MLLT1: variants seen among roughly 807,000 people sequenced by gnomAD.
The protein encoded by MLLT1 is MLLT1 super elongation complex subunit, also known as protein ENL.
A neutral mutation model predicts 55.1 loss-of-function variants in MLLT1; 11 were observed. That is an observed-to-expected ratio of 0.20 (90% CI 0.13 to 0.33). MLLT1 has a LOEUF of 0.33. Among genes scored for constraint, MLLT1 ranks in the 10% least tolerant of loss-of-function variants. The pLI, the probability that MLLT1 is intolerant of heterozygous loss-of-function variation, is 1.00. For missense variants in MLLT1, 536 were observed against 760.6 expected, an observed-to-expected ratio of 0.70 and a Z score of 3.47; for synonymous variants, 323 against 320.1, an observed-to-expected ratio of 1.01 and a Z score of -0.10.
At position 6,229,022 on chromosome 19, in the gene MLLT1, G is replaced by A. The variant is rs1412320306; in HGVS notation, c.420+1548C>T. Among the ~76,000 whole-genome samples, 4 of 152,090 alleles carry A rather than the reference G, an allele frequency of 2.6e-5. No homozygotes were observed. The highest frequency in any genetic ancestry group is 1.3e-4 in the Admixed American group (2 of 15,288). Reference sequence around the variant, plus strand: ...AGACGATGCCCTCAGAGCCTTCATCGCTGTGGAGCAAAGGAAGCCGCCTCC... The same window carrying A: ...AGACGATGCCCTCAGAGCCTTCATCACTGTGGAGCAAAGGAAGCCGCCTCC... On this transcript the variant is annotated intron_variant, in intron 4 of 11. Coordinates refer to ENST00000252674, the MANE Select transcript of MLLT1 (RefSeq NM_005934.4). This position sits in a 1 kb window ranked among gnomAD's most constrained non-coding sequence, Gnocchi z 5.2.
intron 3 of MLLT1, among the ~76,000 whole-genome samples, chr19:6,254,677 G>T (rs997703108): frequency 1.3e-5 from 2 of 152,170 alleles, no homozygotes; most frequent in African/African-American, 2.4e-5. Flanking sequence ...TGGAGAACAG[G>T]TTTTTCCTTC....
At chr19:6,216,378 GC>G in intron 8 of MLLT1, 26 bp downstream of exon 8, 2 of 1,551,770 alleles carry the variant, frequency 1.3e-6, no homozygotes, top group East Asian at 2.3e-5. Context: ...GGCCGCCTCC[GC>G]CCCCTGGCTC....
chr19:6,269,512 C>T (rs147316172), intron 2 of MLLT1, among the ~76,000 whole-genome samples: 401 of 152,318 alleles, frequency 2.6e-3, no homozygotes, highest in Non-Finnish European at 4.6e-3. Flanking sequence ...AAAGAGAAGC[C>T]GCAGGCTGAG....
At position 6,211,066 on chromosome 19, in the gene MLLT1, C is replaced by T. The variant is rs111522379; in HGVS notation, c.*1976G>A. ...TCGCTGTGTGGATTTTGGGGGACTCCTGCGAAGGAGAAAGGCCAGCACCCT... is the reference window on the plus strand; with the variant it reads ...TCGCTGTGTGGATTTTGGGGGACTCTTGCGAAGGAGAAAGGCCAGCACCCT... On this transcript the variant is annotated 3_prime_UTR_variant, in exon 12 of 12. Transcript: ENST00000252674. The surrounding 1 kb of genome is among the most constrained non-coding windows in gnomAD (Gnocchi z 4.6). 3.3e-3 allele frequency: 766 copies of T among 232,168 alleles called. 7 individuals carry two copies. The highest frequency in any genetic ancestry group is 0.014 in the African/African-American group (653 of 45,300). The allele number at this position is 232,168 out of a possible 1,614,324, so 14.4% of individuals were successfully genotyped here. A position where few individuals can be genotyped will look rare whatever the true frequency, so the allele number is the denominator to read the frequency against.
At chr19:6,257,354 C>T (rs1279493329) in intron 3 of MLLT1, among the ~76,000 whole-genome samples, 3 of 138,128 alleles carry the variant, frequency 2.2e-5, no homozygotes, top group Non-Finnish European at 4.7e-5. Flanking sequence ...GCCTGGGCAA[C>T]AGAGTGAGAC....
chr19:6,260,132 C>T (rs2091291534), intron 3 of MLLT1, among the ~76,000 whole-genome samples: 1 of 151,724 alleles, frequency 6.6e-6, no homozygotes, highest in Admixed American at 6.6e-5. Context: ...CTAAATGAAG[C>T]CCCCAGGATC....
At chr19:6,215,985 G>T (rs2090839575) in intron 8 of MLLT1, among the ~76,000 whole-genome samples, 1 of 152,150 alleles carries the variant, frequency 6.6e-6, no homozygotes, top group African/African-American at 2.4e-5. Context: ...CCCAGGACGG[G>T]CTCTCCATGG....
At chr19:6,257,070 A>G (rs199631405) in intron 3 of MLLT1, among the ~76,000 whole-genome samples, 2 of 152,368 alleles carry the variant, frequency 1.3e-5, no homozygotes, top group East Asian at 3.9e-4. Context: ...GACTACAACT[A>G]TGAAACTGGT....
At chr19:6,265,177 A>G (rs556678297) in intron 2 of MLLT1, among the ~76,000 whole-genome samples, 28 of 152,302 alleles carry the variant, frequency 1.8e-4, no homozygotes, top group Admixed American at 5.2e-4. Flanking sequence ...GAATGGCATC[A>G]GACTTTCCAG....
chr19:6,222,234 T>G lies in MLLT1; in HGVS notation c.997A>C (p.Lys333Gln), dbSNP rs1384422957. 1 of 1,613,108 alleles carries G rather than the reference T, an allele frequency of 6.2e-7. No individual in the cohort carries two copies. The highest frequency in any genetic ancestry group is 8.5e-7 in the Non-Finnish European group (1 of 1,179,720). ...SFSDKKPAKD[K>Q]SSTRGEKVKA... is the part of the protein sequence containing the mutation. The stretch of plus-strand genomic sequence containing the variant: ...ACCTTCTCCCCTCTGGTGCTGCTCT[T>G]GTCCTTGGCCGGCTTCTTGTCCGAG... Residue 333 changes from lysine (K) to glutamine (Q), a missense_variant, in exon 6 of 12, where the codon AAG becomes CAG. Physicochemically the swap from Lys to Gln is moderately conservative, Grantham distance 53. Around this residue, in one of 3 missense-constraint regions of MLLT1, gnomAD observed 449 missense variants for 489.0 expected, o/e 0.92. Transcript: ENST00000252674. The surrounding 1 kb of genome is among the most constrained non-coding windows in gnomAD (Gnocchi z 4.1).
intron 3 of MLLT1, among the ~76,000 whole-genome samples, chr19:6,232,204 C>T (rs886487970): frequency 7.2e-5 from 11 of 152,262 alleles, no homozygotes; most frequent in Admixed American, 3.9e-4. Context: ...CCACTGCACT[C>T]CAGCCTGGGC....
chr19:6,259,799 T>TAAAAAAAAAAAAAAAAAAAAAAAAAAAA (rs60832951), intron 3 of MLLT1: 1 of 70,138 alleles, frequency 1.4e-5, no homozygotes, highest in African/African-American at 7.1e-5. Context: ...AAACATGACT[T>TAAAAAAAAAAAAAAAAAAAAAAAAAAAA]AAAAAAAAAA....
At chr19:6,217,851 G>A in intron 7 of MLLT1, 103 bp downstream of exon 7, 2 of 1,469,024 alleles carry the variant, frequency 1.4e-6, no homozygotes, top group Non-Finnish European at 1.8e-6. Flanking sequence ...GATCTGCAGG[G>A]CCCAGCCTGT....
intron 5 of MLLT1, among the ~76,000 whole-genome samples, chr19:6,224,286 T>G (rs1231593243): frequency 2.0e-5 from 3 of 152,250 alleles, no homozygotes; most frequent in Non-Finnish European, 2.9e-5. Context: ...GTGCCCAGCC[T>G]GGCTCTTCCA....
chr19:6,261,939 G>A (rs1470988512), intron 3 of MLLT1, among the ~76,000 whole-genome samples: 2 of 152,158 alleles, frequency 1.3e-5, no homozygotes, highest in African/African-American at 4.8e-5. Flanking sequence ...CCTGACAGGG[G>A]ATGTCACTGC....
At chr19:6,236,574 C>G (rs1008328248) in intron 3 of MLLT1, among the ~76,000 whole-genome samples, 2 of 152,154 alleles carry the variant, frequency 1.3e-5, no homozygotes, top group Admixed American at 1.3e-4. Flanking sequence ...GGTCACGCCC[C>G]GAAGCACCCT....
chr19:6,230,440 G>T lies in MLLT1; in HGVS notation c.420+130C>A. ...TCCCAGGTCCCCTCCAGCTCTGCTG[G>T]GTGCTGCCGTGTGACCTGCGCCTTG... On this transcript the variant is annotated intron_variant, in intron 4 of 11. Coordinates refer to ENST00000252674, the MANE Select transcript of MLLT1 (RefSeq NM_005934.4). This position sits in a 1 kb window ranked among gnomAD's most constrained non-coding sequence, Gnocchi z 9.0. The T allele has an allele frequency of 8.9e-7, 1 of 1,123,396 alleles. No homozygotes were observed. The highest frequency in any genetic ancestry group is 1.2e-6 in the Non-Finnish European group (1 of 804,316). The allele number at this position is 1,123,396 out of a possible 1,614,324, so 69.6% of individuals were successfully genotyped here.
At chr19:6,241,947 C>T (rs765320493) in intron 3 of MLLT1, among the ~76,000 whole-genome samples, 3 of 152,228 alleles carry the variant, frequency 2.0e-5, no homozygotes, top group Non-Finnish European at 4.4e-5. Context: ...GCGGAGCGCT[C>T]TATGGGCTCA....
intron 3 of MLLT1, among the ~76,000 whole-genome samples, chr19:6,253,359 A>G (rs2091234947): frequency 6.6e-6 from 1 of 152,012 alleles, no homozygotes; most frequent in African/African-American, 2.4e-5. Context: ...CTTCCCACAA[A>G]GAAAAGTCCA....
Sources: allele counts gnomAD v4.1 joint callset (sites outside exome capture counted in the v4.1 genomes callset), GRCh38; gene constraint gnomAD v4.1.1; regional missense constraint gnomAD v4.1.1; non-coding constraint Gnocchi (gnomAD v3.1); transcripts MANE v1.5; gene names NCBI Gene and HGNC (gene_info 2026-07-23, HGNC 2026-07-21).